Variants in ACSL4 observed in about 807,000 individuals in gnomAD.
The protein encoded by ACSL4 is long-chain-fatty-acid--CoA ligase 4.
A neutral mutation model predicts 49.1 loss-of-function variants in ACSL4; 9 were observed. The observed-to-expected ratio is 0.18, with a 90% CI of 0.11 to 0.32. ACSL4 has a LOEUF of 0.32. Ranked by LOEUF, ACSL4 falls within the 10% of genes least tolerant of loss-of-function variation. The pLI, the probability that ACSL4 is intolerant of heterozygous loss-of-function variation, is 1.00. For missense variants in ACSL4, 333 were observed against 493.7 expected, an observed-to-expected ratio of 0.67 and a Z score of 3.08; for synonymous variants, 191 against 170.3, an observed-to-expected ratio of 1.12 and a Z score of -0.95.
chrX:109,653,250 T>C (rs1187549800), intron 15 of ACSL4, among the ~76,000 whole-genome samples: 1 of 111,527 alleles, frequency 9.0e-6, no homozygotes, highest in African/African-American at 3.3e-5. Flanking sequence ...AAAACTACAA[T>C]GAGATACCAT....
chrX:109,687,913 C>T (rs2147461622), intron 2 of ACSL4, among the ~76,000 whole-genome samples: 1 of 111,661 alleles, frequency 9.0e-6, no homozygotes, highest in South Asian at 3.8e-4. Context: ...CAGCCTGGTT[C>T]TATCCTATCC....
At chrX:109,701,661 C>T (rs1465656043) in intron 1 of ACSL4, among the ~76,000 whole-genome samples, 2 of 103,687 alleles carry the variant, frequency 1.9e-5, no homozygotes, top group African/African-American at 3.5e-5. Flanking sequence ...TCTCCTGCCT[C>T]AGCCTCCCGA....
rs1048926174 is a variant in ACSL4 at position 109,710,220 on chromosome X, A to G, written c.-65-14024T>C. Among the ~76,000 whole-genome samples the G allele has an allele frequency of 8.0e-5, 9 of 112,501 alleles. No homozygotes were observed. The East Asian group carries it at 8.3e-4, about 10-fold the overall frequency. ...CCTCTTTCTTTTGCAAAAATATCCTAATGATGACCCTAGTTGTATCCTAAC... is the reference window on the plus strand; with the variant it reads ...CCTCTTTCTTTTGCAAAAATATCCTGATGATGACCCTAGTTGTATCCTAAC... On this transcript the variant is annotated intron_variant, in intron 1 of 15. Coordinates refer to ENST00000672401, the MANE Select transcript of ACSL4 (RefSeq NM_001318510.2).
In ACSL4 at chrX:109,717,917, ATTC is replaced by A. The variant is rs755439393; in HGVS notation, c.-66+15219_-66+15221del. ...CATATTTTATGTGTAGCCCAAGACA[ATTC>A]TTCTTCCAACATGGTCCAGGGAAGC... On this transcript the variant is annotated intron_variant, in intron 1 of 15. Coordinates refer to ENST00000672401, the MANE Select transcript of ACSL4 (RefSeq NM_001318510.2). Among the ~76,000 whole-genome samples, 5 of 111,556 alleles carry A rather than the reference ATTC, an allele frequency of 4.5e-5. No individual in the cohort carries two copies. In the South Asian group the frequency reaches 1.5e-3, roughly 34 times the overall value.
intron 1 of ACSL4, among the ~76,000 whole-genome samples, chrX:109,724,579 T>C (rs1346976281): frequency 8.9e-6 from 1 of 111,759 alleles, no homozygotes; most frequent in Non-Finnish European, 1.9e-5. Flanking sequence ...CCCCAGTAGT[T>C]GGAACCATAG....
At position 109,724,684 on chromosome X, in the gene ACSL4, G is replaced by A. The variant is rs749818502; in HGVS notation, c.-66+8455C>T. Among the ~76,000 whole-genome samples, 52 of 110,647 alleles carry A rather than the reference G, an allele frequency of 4.7e-4. 1 individual carries two copies. In the East Asian group the frequency reaches 9.8e-3, roughly 21 times the overall value. On this transcript the variant is annotated intron_variant, in intron 1 of 15. Coordinates refer to ENST00000672401, the MANE Select transcript of ACSL4 (RefSeq NM_001318510.2). ...CTCAGCACTTTGGGAAGCTGAGGCA[G>A]GCAGATCACTTGAGGTCAGGAGTTT...
chrX:109,663,862 G>A (rs1447631199), intron 12 of ACSL4, among the ~76,000 whole-genome samples: 1 of 111,085 alleles, frequency 9.0e-6, no homozygotes. Flanking sequence ...GGGAAAGGGG[G>A]GACTATGGGA....
intron 1 of ACSL4, among the ~76,000 whole-genome samples, chrX:109,700,436 C>T (rs1359365845): frequency 9.3e-6 from 1 of 107,027 alleles, no homozygotes; most frequent in Non-Finnish European, 1.9e-5. Context: ...ACTCGGAAGG[C>T]TGAGACATGA....
At chrX:109,678,157 T>C (rs763268456) in intron 7 of ACSL4, 46 bp from the exon 8 acceptor site, 7 of 1,207,546 alleles carry the variant, frequency 5.8e-6, no homozygotes, top group Non-Finnish European at 7.9e-6. Flanking sequence ...TGAAAAGGCA[T>C]TTGAAGTTAG....
chrX:109,724,429 C>T (rs1441767090), intron 1 of ACSL4, among the ~76,000 whole-genome samples: 1 of 111,110 alleles, frequency 9.0e-6, no homozygotes, highest in Non-Finnish European at 1.9e-5. Context: ...TGTGCATCAC[C>T]ATGCCTGGCT....
chrX:109,692,186 T>C (rs1469807104), intron 2 of ACSL4: 2 of 111,753 alleles, frequency 1.8e-5, no homozygotes, highest in East Asian at 2.8e-4. Context: ...ATCCCCAGCA[T>C]GCATCAGATA....
chrX:109,709,881 C>T (rs1056197971), intron 1 of ACSL4, among the ~76,000 whole-genome samples: 1 of 111,279 alleles, frequency 9.0e-6, no homozygotes. Context: ...CTGCAGCAGG[C>T]GGATCACGGA....
Position 109,643,933 on chromosome X carries a change from A to C in ACSL4, c.*96T>G. The stretch of plus-strand genomic sequence containing the variant: ...TTTTACTCTATCTTTAGAATGATAT[A>C]CCTTACATTCTAACAGTTCAACAAA... On this transcript the variant is annotated 3_prime_UTR_variant, in exon 16 of 16. Transcript: ENST00000672401. 1.1e-6 allele frequency: 1 copy of C among 951,180 alleles called. No individual in the cohort carries two copies. The highest frequency in any genetic ancestry group is 1.5e-6 in the Non-Finnish European group (1 of 660,897). The allele number at this position is 951,180 out of a possible 1,213,427, so 78.4% of individuals were successfully genotyped here.
chrX:109,661,788 T>C, intron 13 of ACSL4, 143 bp from the exon 14 acceptor site: 1 of 494,852 alleles, frequency 2.0e-6, no homozygotes, highest in Non-Finnish European at 3.5e-6. Flanking sequence ...AAAGTAATTG[T>C]GGTTTTTGCC....
intron 4 of ACSL4, among the ~76,000 whole-genome samples, chrX:109,682,022 ATG>A (rs1250099358): frequency 8.9e-6 from 1 of 112,095 alleles, no homozygotes; most frequent in Non-Finnish European, 1.9e-5. Context: ...ACCAGAAACA[ATG>A]TGGTTAAAAA....
At chrX:109,668,022 C>A in intron 11 of ACSL4, 79 bp downstream of exon 11, 1 of 751,694 alleles carries the variant, frequency 1.3e-6, no homozygotes, top group South Asian at 2.6e-5. Flanking sequence ...TTAAAGTTAC[C>A]ATGGTTTCCA....
chrX:109,648,448 G>T (rs1421981930), intron 15 of ACSL4, among the ~76,000 whole-genome samples: 2 of 111,426 alleles, frequency 1.8e-5, no homozygotes, highest in Non-Finnish European at 3.8e-5. Context: ...AATAGATGCA[G>T]AAAAGGCCTT....
At chrX:109,724,447 GT>G (rs1378622894) in intron 1 of ACSL4, among the ~76,000 whole-genome samples, 2 of 110,464 alleles carry the variant, frequency 1.8e-5, no homozygotes, top group African/African-American at 6.6e-5. Flanking sequence ...GCTAATTTTT[GT>G]TTTTGTTTTT....
intron 12 of ACSL4, 122 bp downstream of exon 12, chrX:109,665,297 CA>C: frequency 1.7e-6 from 1 of 592,798 alleles, no homozygotes; most frequent in Non-Finnish European, 2.9e-6. Context: ...TGCATGGGGA[CA>C]GGCAACAGCA....
Sources: allele counts gnomAD v4.1 joint callset (sites outside exome capture counted in the v4.1 genomes callset), GRCh38; gene constraint gnomAD v4.1.1; transcripts MANE v1.5; gene names NCBI Gene and HGNC (gene_info 2026-07-23, HGNC 2026-07-21).